WDR62: variants seen among roughly 807,000 people sequenced by gnomAD.
The protein encoded by WDR62 is WD repeat domain 62, also known as WD repeat-containing protein 62.
In WDR62, 112 loss-of-function variants were observed where a neutral mutation model predicts 160.6. The ratio of observed to expected loss-of-function variants is 0.70; its 90% CI spans 0.60 to 0.82. The LOEUF (loss-of-function observed/expected upper bound fraction) is 0.82, where lower values mean the gene tolerates loss of function less well. Ranked by LOEUF, WDR62 falls within the 40% of genes least tolerant of loss-of-function variation. The pLI is 0.00. For missense variants in WDR62, 1,819 were observed against 1,983.8 expected (o/e 0.92, Z 1.58); for synonymous variants, 792 against 815.1 (o/e 0.97, Z 0.48).
downstream of WDR62, among the ~76,000 whole-genome samples, chr19:36,108,853 CAA>C (rs780896466): frequency 9.8e-5 from 5 of 50,774 alleles, no homozygotes; most frequent in Admixed American, 2.2e-4. Context: ...GGCCCTGTCT[CAA>C]AAAAAAAAAA....
chr19:36,109,879 C>A (rs1973777144), downstream of WDR62, among the ~76,000 whole-genome samples: 1 of 151,274 alleles, frequency 6.6e-6, no homozygotes, highest in Non-Finnish European at 1.5e-5. Flanking sequence ...CATGGTGAAA[C>A]CCCATCTCTA....
chr19:36,065,703 G>A (rs756877669), intron 3 of WDR62, among the ~76,000 whole-genome samples: 1 of 152,184 alleles, frequency 6.6e-6, no homozygotes, highest in Non-Finnish European at 1.5e-5. Context: ...AGCAGGGTCC[G>A]CATACAGTGT....
At chr19:36,107,167 C>G (rs1188243904), downstream of WDR62, among the ~76,000 whole-genome samples, 1 of 152,232 alleles carries the variant, frequency 6.6e-6, no homozygotes, top group Admixed American at 6.5e-5. Context: ...CATCATGCAC[C>G]TGGCCTCTTC....
At chr19:36,059,528 C>T (rs980451793) in intron 2 of WDR62, among the ~76,000 whole-genome samples, 1 of 152,170 alleles carries the variant, frequency 6.6e-6, no homozygotes, top group African/African-American at 2.4e-5. Context: ...CAGCCCCAAC[C>T]TCCTGTGCTC....
chr19:36,091,184 G>T lies in WDR62; in HGVS notation c.2035-16G>T, dbSNP rs1312089898. 1 of 1,608,898 alleles carries T rather than the reference G, an allele frequency of 6.2e-7. No individual in the cohort carries two copies. Among genetic ancestry groups the T allele is most frequent in the Admixed American group, 1.7e-5 (1 of 59,962 alleles). On this transcript the variant is annotated splice_polypyrimidine_tract_variant and intron_variant, in intron 16 of 31. Coordinates refer to ENST00000401500, the MANE Select transcript of WDR62 (RefSeq NM_001083961.2). ...AGCAGGCAGCTGGAGTGACATGTGG[G>T]TCCCTTTCCTGGCAGGTCCATGTGG... is the stretch of plus-strand genomic sequence containing the variant.
chr19:36,055,213 T>C, intron 1 of WDR62, 65 bp downstream of exon 1: 8 of 1,531,818 alleles, frequency 5.2e-6, no homozygotes, highest in Non-Finnish European at 7.1e-6. Flanking sequence ...AGTCCCGTCC[T>C]GAGAACTGTG....
At chr19:36,068,573 T>C (rs1971072667) in intron 7 of WDR62, among the ~76,000 whole-genome samples, 1 of 152,228 alleles carries the variant, frequency 6.6e-6, no homozygotes, top group Admixed American at 6.5e-5. Context: ...ACGAGTCTGC[T>C]GCCTTCAAGC....
intron 20 of WDR62, among the ~76,000 whole-genome samples, chr19:36,094,945 C>T (rs557499240): frequency 6.6e-6 from 1 of 152,014 alleles, no homozygotes; most frequent in Non-Finnish European, 1.5e-5. Context: ...GCAGGAAGAT[C>T]GCTTGAGCCC....
chr19:36,076,787 C>G (rs576984810), intron 9 of WDR62, among the ~76,000 whole-genome samples: 1 of 152,168 alleles, frequency 6.6e-6, no homozygotes, highest in Admixed American at 6.5e-5. Context: ...GACAACTTTT[C>G]AATTCTGAAG....
chr19:36,078,413 G>T (rs1034475229), intron 9 of WDR62, among the ~76,000 whole-genome samples: 3 of 151,924 alleles, frequency 2.0e-5, no homozygotes, highest in African/African-American at 7.3e-5. Flanking sequence ...CTCCCAAAGT[G>T]CAGGGATTAC....
At chr19:36,093,952 G>C (rs911619537) in intron 19 of WDR62, 79 bp from the exon 20 acceptor site, 1 of 1,575,448 alleles carries the variant, frequency 6.3e-7, no homozygotes, top group African/African-American at 1.3e-5. Context: ...GCTTAGCACA[G>C]GGCCCAGCCC....
In WDR62 at chr19:36,101,385, G is replaced by A. The variant is rs73928392; in HGVS notation, c.2971+68G>A. 1,413 of 1,370,454 alleles carry A rather than the reference G, an allele frequency of 1.0e-3. 2 individuals are homozygous for A. The highest frequency in any genetic ancestry group is 3.5e-3 in the African/African-American group (248 of 70,442). The allele number at this position is 1,370,454 out of a possible 1,614,324, so 84.9% of individuals were successfully genotyped here. A position where few individuals can be genotyped will look rare whatever the true frequency, so the allele number is the denominator to read the frequency against. ...TCAGCCAAGCCCCTTTCTGGGCACCGATGGTGACTTTGACCCAGTACTGAA... is the reference window on the plus strand; with the variant it reads ...TCAGCCAAGCCCCTTTCTGGGCACCAATGGTGACTTTGACCCAGTACTGAA... On this transcript the variant is annotated intron_variant, in intron 24 of 31. Transcript: ENST00000401500.
At chr19:36,069,144 C>G (rs1349118252) in intron 7 of WDR62, among the ~76,000 whole-genome samples, 1 of 151,040 alleles carries the variant, frequency 6.6e-6, no homozygotes, top group East Asian at 2.0e-4. Context: ...ACCTCCCTCC[C>G]GGACTGGGCG....
At chr19:36,096,985 T>G in intron 20 of WDR62, 42 bp from the exon 21 acceptor site, 1 of 1,584,142 alleles carries the variant, frequency 6.3e-7, no homozygotes, top group Non-Finnish European at 8.6e-7. Context: ...GCCTGTTTGT[T>G]GGGTTGTTTG....
At chr19:36,092,523 G>T (rs951838541) in intron 18 of WDR62, among the ~76,000 whole-genome samples, 166 bp from the exon 19 acceptor site, 4 of 152,050 alleles carry the variant, frequency 2.6e-5, no homozygotes, top group Non-Finnish European at 5.9e-5. Flanking sequence ...GGGTGTGGAT[G>T]TGGCAAGTCC....
At position 36,089,174 on chromosome 19, in the gene WDR62, G is replaced by A. The variant is rs760583208; in HGVS notation, c.1837-11G>A. On this transcript the variant is annotated splice_polypyrimidine_tract_variant and intron_variant, in intron 14 of 31. Coordinates refer to ENST00000401500, the MANE Select transcript of WDR62 (RefSeq NM_001083961.2). ...CGGGGCATTCTCTGAAGGTCCTGCC[G>A]GCCCTGCCAGGGTTCGGATGGACTA... The A allele has an allele frequency of 2.4e-5, 39 of 1,613,704 alleles. No homozygotes were observed. The highest frequency in any genetic ancestry group is 1.8e-4 in the East Asian group (8 of 44,884).
At chr19:36,083,269 TAC>T (rs758913594) in intron 11 of WDR62, 28 bp downstream of exon 11, 2 of 1,572,470 alleles carry the variant, frequency 1.3e-6, no homozygotes, top group East Asian at 4.7e-5. Flanking sequence ...GTGTCCAGTG[TAC>T]ACCTCCCAGC....
chr19:36,081,811 G>A (rs1319056622), intron 10 of WDR62: 2 of 651,344 alleles, frequency 3.1e-6, no homozygotes, highest in Admixed American at 2.1e-5. Context: ...CTGCTCTGCA[G>A]ATGTGTGGAC....
chr19:36,101,595 G>A (rs936421048), intron 24 of WDR62, 69 bp from the exon 25 acceptor site: 1 of 1,216,844 alleles, frequency 8.2e-7, no homozygotes, highest in African/African-American at 1.5e-5. Context: ...GCCCAGGGAA[G>A]GGTAGCCCTG....
Sources: gnomAD v4.1 joint callset for allele counts (sites outside exome capture counted in the v4.1 genomes callset) on GRCh38, gnomAD v4.1.1 for gene constraint, MANE v1.5 for transcripts, NCBI Gene and HGNC (gene_info 2026-07-23, HGNC 2026-07-21) for gene names.